ATOH8: variants seen among roughly 807,000 people sequenced by gnomAD.
ATOH8 encodes the protein atonal bHLH transcription factor 8, also known as transcription factor ATOH8.
ATOH8 carries 9 observed loss-of-function variants against 21.2 expected under a neutral mutation model. The ratio of observed to expected loss-of-function variants is 0.42; its 90% CI spans 0.26 to 0.74. ATOH8 has a LOEUF of 0.74. ATOH8 is among the 30% of genes least tolerant of loss of function. ATOH8 has a pLI of 0.24. For synonymous variants in ATOH8, 253 were observed against 224.0 expected, an observed-to-expected ratio of 1.13 and a Z score of -1.16; for missense variants, 524 against 470.9, an observed-to-expected ratio of 1.11 and a Z score of -1.04.
At chr2:85,777,124 G>A (rs1033556410) in intron 2 of ATOH8, among the ~76,000 whole-genome samples, 2 of 152,206 alleles carry the variant, frequency 1.3e-5, no homozygotes, top group South Asian at 4.1e-4. Flanking sequence ...GTCAGGTACT[G>A]TTCTAGTGCT....
rs144473836 is a variant in ATOH8, at chr2:85,789,800, C to T, written c.*2910C>T. Among the ~76,000 whole-genome samples, 3 of 152,128 alleles carry T rather than the reference C, an allele frequency of 2.0e-5. No homozygotes were observed. The highest frequency in any genetic ancestry group is 3.9e-4 in the East Asian group (2 of 5,174). On this transcript the variant is annotated 3_prime_UTR_variant, in exon 3 of 3. Transcript: ENST00000306279. ...CGATAAGAAAGTGACTTTGAGCCAT[C>T]GATTTGGGAGACAGGCTCTGGGTGG...
chr2:85,757,354 T>C (rs1278213710), intron 1 of ATOH8, among the ~76,000 whole-genome samples: 1 of 152,176 alleles, frequency 6.6e-6, no homozygotes, highest in African/African-American at 2.4e-5. Flanking sequence ...GGCCTCAGTC[T>C]TCTCTGTAAA....
intron 2 of ATOH8, among the ~76,000 whole-genome samples, chr2:85,765,737 C>T (rs1257773798): frequency 3.9e-5 from 6 of 152,178 alleles, no homozygotes; most frequent in South Asian, 4.1e-4. Context: ...AAGGCAGAAG[C>T]CAGCGTGGAG....
rs545069420 is a variant in ATOH8 at position 85,769,407 on chromosome 2, C to T, written c.960+5225C>T. Among the ~76,000 whole-genome samples the T allele has an allele frequency of 5.9e-5, 9 of 152,294 alleles. No homozygotes were observed. In the East Asian group the frequency reaches 1.7e-3, roughly 29 times the overall value. ...CCCCCCCGGGTGGTGTGCCTGCAGC[C>T]GTGTGCCAGTGCTGGGAAGGCGGGG... On this transcript the variant is annotated intron_variant, in intron 2 of 2. Coordinates refer to ENST00000306279, the MANE Select transcript of ATOH8 (RefSeq NM_032827.7).
chr2:85,769,740 G>A (rs1273939225), intron 2 of ATOH8, among the ~76,000 whole-genome samples: 2 of 152,108 alleles, frequency 1.3e-5, no homozygotes, highest in African/African-American at 2.4e-5. Flanking sequence ...CCCAGGCCTC[G>A]GACAGGATCC....
Position 85,754,169 on chromosome 2 carries a change from G to C in ATOH8, c.-21G>C, listed in dbSNP as rs1471282465. Reference sequence around the variant, plus strand: ...GCGGCCCGGGCAGCCCCACGCCCCTGCCTCGCGCGCCGCCCGCGCCATGAA... The same window carrying C: ...GCGGCCCGGGCAGCCCCACGCCCCTCCCTCGCGCGCCGCCCGCGCCATGAA... On this transcript the variant is annotated 5_prime_UTR_variant, in exon 1 of 3. Coordinates refer to ENST00000306279, the MANE Select transcript of ATOH8 (RefSeq NM_032827.7). 1.3e-6 allele frequency: 2 copies of C among 1,537,558 alleles called. No homozygotes were observed. Among genetic ancestry groups the C allele is most frequent in the Non-Finnish European group, 1.7e-6 (2 of 1,146,202 alleles).
At chr2:85,771,646 C>A (rs1218103181) in intron 2 of ATOH8, among the ~76,000 whole-genome samples, 2 of 152,180 alleles carry the variant, frequency 1.3e-5, no homozygotes, top group African/African-American at 4.8e-5. Context: ...TCCAGAAATC[C>A]TCGGATGTCA....
chr2:85,762,125 C>G (rs535901042), intron 1 of ATOH8, among the ~76,000 whole-genome samples: 169 of 152,316 alleles, frequency 1.1e-3, no homozygotes, highest in African/African-American at 3.9e-3. Context: ...TCACAGACCT[C>G]TATCAGGCCT....
chr2:85,754,095 G>A lies in ATOH8; in HGVS notation c.-95G>A. The stretch of plus-strand genomic sequence containing the variant: ...GGAGAAAGGGAGAGAGGGAGGGGGA[G>A]GGCGGGCGAAGCGGGAGAGCCAGAG... On this transcript the variant is annotated 5_prime_UTR_variant, in exon 1 of 3. Coordinates refer to ENST00000306279, the MANE Select transcript of ATOH8 (RefSeq NM_032827.7). 3.7e-6 allele frequency: 5 copies of A among 1,342,340 alleles called. No individual in the cohort carries two copies. The highest frequency in any genetic ancestry group is 2.7e-4 in the Middle Eastern group (1 of 3,688). 83.2% of individuals were successfully genotyped at this position (1,342,340 alleles called of 1,614,324 possible).
At chr2:85,767,520 A>G (rs527919834) in intron 2 of ATOH8, among the ~76,000 whole-genome samples, 10 of 143,406 alleles carry the variant, frequency 7.0e-5, no homozygotes, top group Admixed American at 3.6e-4. Flanking sequence ...GGGGTCCCCA[A>G]GCAAGAGATG....
At chr2:85,769,528 C>T (rs1247729068) in intron 2 of ATOH8, among the ~76,000 whole-genome samples, 1 of 152,216 alleles carries the variant, frequency 6.6e-6, no homozygotes, top group Admixed American at 6.5e-5. Context: ...CTGTGTCCTC[C>T]CTCTTTTCCT....
intron 2 of ATOH8, chr2:85,775,007 C>G: frequency 6.1e-6 from 6 of 985,354 alleles, no homozygotes; most frequent in Non-Finnish European, 7.2e-6. Context: ...TTCAGGAGAG[C>G]ATCATGTGAT....
At chr2:85,771,257 C>CT (rs60403085) in intron 2 of ATOH8, among the ~76,000 whole-genome samples, 8,443 of 152,238 alleles carry the variant, frequency 0.055, 732 homozygotes, top group East Asian at 0.24. Flanking sequence ...GGCACTGTCA[C>CT]TCTCGCTCTG....
intron 2 of ATOH8, chr2:85,773,810 A>T (rs997200249): frequency 3.3e-5 from 5 of 152,228 alleles, no homozygotes; most frequent in African/African-American, 1.2e-4. Flanking sequence ...TCCCACTTCC[A>T]GTTAGAGAGA....
At chr2:85,764,870 G>C (rs965071550) in intron 2 of ATOH8, among the ~76,000 whole-genome samples, 10 of 152,294 alleles carry the variant, frequency 6.6e-5, no homozygotes, top group Middle Eastern at 3.4e-3. Flanking sequence ...ACGGGAGTTT[G>C]AAAGGGCATC....
chr2:85,772,873 C>A (rs1474720803), intron 2 of ATOH8: 2 of 451,080 alleles, frequency 4.4e-6, no homozygotes, highest in East Asian at 7.0e-5. Context: ...TGTGACTTTT[C>A]TTCCTCCTCT....
intron 2 of ATOH8, among the ~76,000 whole-genome samples, chr2:85,764,537 A>G (rs2104507038): frequency 6.6e-6 from 1 of 152,310 alleles, no homozygotes; most frequent in Non-Finnish European, 1.5e-5. Context: ...TCATACCAGG[A>G]CAAGATTCCC....
At chr2:85,757,712 C>G (rs1438836903) in intron 1 of ATOH8, among the ~76,000 whole-genome samples, 2 of 152,090 alleles carry the variant, frequency 1.3e-5, no homozygotes, top group Non-Finnish European at 2.9e-5. Context: ...TATTGCTGAC[C>G]TCATCCAGTG....
intron 2 of ATOH8, among the ~76,000 whole-genome samples, chr2:85,781,871 C>A (rs982471218): frequency 6.7e-6 from 1 of 148,688 alleles, no homozygotes; most frequent in South Asian, 2.2e-4. Context: ...GAGCAAGACT[C>A]TGTCTAAAAA....
Sources: gnomAD v4.1 joint callset for allele counts (sites outside exome capture counted in the v4.1 genomes callset) on GRCh38, gnomAD v4.1.1 for gene constraint, MANE v1.5 for transcripts, NCBI Gene and HGNC (gene_info 2026-07-23, HGNC 2026-07-21) for gene names.